Variants in CHRM5 observed in about 807,000 individuals in gnomAD.
CHRM5 encodes muscarinic acetylcholine receptor M5.
CHRM5 carries 18 observed loss-of-function variants against 39.0 expected under a neutral mutation model. The observed-to-expected ratio is 0.46, with a 90% CI of 0.32 to 0.68. CHRM5 has a LOEUF of 0.68. Ranked by LOEUF, CHRM5 falls within the 30% of genes least tolerant of loss-of-function variation. CHRM5 has a pLI of 0.04. For synonymous variants in CHRM5, 241 were observed against 246.3 expected, an observed-to-expected ratio of 0.98 and a Z score of 0.20; for missense variants, 515 against 651.1, an observed-to-expected ratio of 0.79 and a Z score of 2.28.
chr15:33,982,416 A>G (rs1896192777), intron 1 of CHRM5, among the ~76,000 whole-genome samples: 1 of 152,168 alleles, frequency 6.6e-6, no homozygotes, highest in Non-Finnish European at 1.5e-5. Flanking sequence ...TAAAAATTAA[A>G]AAAGGAAAAA....
At chr15:34,059,927 C>T (rs1250894932) in intron 2 of CHRM5, among the ~76,000 whole-genome samples, 1 of 152,086 alleles carries the variant, frequency 6.6e-6, no homozygotes, top group Non-Finnish European at 1.5e-5. Flanking sequence ...TCCATGGTAT[C>T]GCCAGCATTA....
chr15:33,986,813 T>C (rs1177019108), intron 1 of CHRM5, among the ~76,000 whole-genome samples: 4 of 151,992 alleles, frequency 2.6e-5, no homozygotes, highest in South Asian at 2.1e-4. Flanking sequence ...CGTGCCACCA[T>C]GCCCAGCTAA....
intron 2 of CHRM5, among the ~76,000 whole-genome samples, chr15:34,057,687 C>T (rs1900206895): frequency 6.6e-6 from 1 of 152,138 alleles, no homozygotes; most frequent in African/African-American, 2.4e-5. Context: ...GTCCCAGCTA[C>T]GTGGGAGGCT....
chr15:34,014,597 G>A (rs1399667252), intron 1 of CHRM5, among the ~76,000 whole-genome samples: 1 of 152,136 alleles, frequency 6.6e-6, no homozygotes, highest in Non-Finnish European at 1.5e-5. Context: ...AGACCTGTAA[G>A]GTAGGTACCA....
chr15:33,983,223 T>TATACACACACACAC, intron 1 of CHRM5, among the ~76,000 whole-genome samples: 1 of 110,626 alleles, frequency 9.0e-6, no homozygotes, highest in East Asian at 3.1e-4. Flanking sequence ...TACATATATA[T>TATACACACACACAC]ACACACACAT....
At chr15:34,043,753 C>G (rs934639419) in intron 1 of CHRM5, among the ~76,000 whole-genome samples, 1 of 152,208 alleles carries the variant, frequency 6.6e-6, no homozygotes, top group African/African-American at 2.4e-5. Context: ...ATCTTCTCCT[C>G]TCTCCTTCCA....
chr15:33,975,176 C>T (rs1219906641), intron 1 of CHRM5, among the ~76,000 whole-genome samples: 1 of 152,192 alleles, frequency 6.6e-6, no homozygotes, highest in African/African-American at 2.4e-5. Flanking sequence ...CTCCTCCACA[C>T]GCTTCTTGGA....
chr15:34,039,681 A>AAAGG (rs1444052386), intron 1 of CHRM5, among the ~76,000 whole-genome samples: 11 of 152,296 alleles, frequency 7.2e-5, no homozygotes, highest in Admixed American at 1.3e-4. Context: ...AGATGGCTAG[A>AAAGG]AAGGGCGTCA....
rs1897666853 is a variant in CHRM5, at chr15:34,012,228, T to C, written c.-407-34312T>C. On this transcript the variant is annotated intron_variant, in intron 1 of 2. Transcript: ENST00000383263. Reference sequence around the variant, plus strand: ...GACAATTTGCTTCTTGACGTGGTTATGATCTGAGAGAAAAGATACCGTTTT... The same window carrying C: ...GACAATTTGCTTCTTGACGTGGTTACGATCTGAGAGAAAAGATACCGTTTT... Among the ~76,000 whole-genome samples the C allele has an allele frequency of 3.9e-5, 6 of 152,250 alleles. 1 individual carries two copies. In the South Asian group the frequency reaches 1.2e-3, roughly 32 times the overall value.
chr15:34,064,257 T>C lies in CHRM5; in HGVS notation c.1540T>C (p.Trp514Arg), dbSNP rs1362521607. 3 of 1,613,172 alleles carry C rather than the reference T, an allele frequency of 1.9e-6. No individual in the cohort carries two copies. The highest frequency in any genetic ancestry group is 1.7e-5 in the Admixed American group (1 of 59,726). The stretch of plus-strand genomic sequence containing the variant: ...CTTTAAGATGCTGCTTCTCTGCCGA[T>C]GGAAAAAGAAAAAAGTGGAAGAGAA... ...KTFKMLLLCR[W>R]KKKKVEEKLY... The change falls in exon 3 of 3, where the codon TGG becomes CGG. Residue 514 changes from tryptophan to arginine, a missense_variant. By Grantham distance (101) the Trp-to-Arg change is moderately radical. Coordinates refer to ENST00000383263, the MANE Select transcript of CHRM5 (RefSeq NM_012125.4).
intron 1 of CHRM5, among the ~76,000 whole-genome samples, chr15:34,020,266 A>T (rs1008386446): frequency 5.3e-5 from 8 of 151,938 alleles, no homozygotes; most frequent in Non-Finnish European, 8.8e-5. Context: ...AGCTGAGATC[A>T]CACCACTGCA....
intron 1 of CHRM5, among the ~76,000 whole-genome samples, chr15:34,006,458 G>GTATAAAACC (rs1416099264): frequency 6.6e-6 from 1 of 152,198 alleles, no homozygotes; most frequent in Non-Finnish European, 1.5e-5. Context: ...TCTCCAGTCA[G>GTATAAAACC]TATAAAACCT....
rs780268468 is a variant in CHRM5, at chr15:34,063,703, G to A, written c.986G>A (p.Gly329Asp). 9 of 1,614,100 alleles carry A rather than the reference G, an allele frequency of 5.6e-6. No individual in the cohort carries two copies. The highest frequency in any genetic ancestry group is 6.8e-6 in the Non-Finnish European group (8 of 1,180,048). Reference sequence around the variant, plus strand: ...CTCCAAGTGGTCTACAAGAGTCAGGGTAAGGAAAGCCCAGGGGAAGAATTC... The same window carrying A: ...CTCCAAGTGGTCTACAAGAGTCAGGATAAGGAAAGCCCAGGGGAAGAATTC... ...PVLQVVYKSQGKESPGEEFSA... is the reference protein window; with the variant it reads ...PVLQVVYKSQDKESPGEEFSA... The change falls in exon 3 of 3, where the codon GGT (glycine) becomes GAT (aspartate). Residue 329 changes from glycine (G) to aspartate (D), a missense_variant. Coordinates refer to ENST00000383263, the MANE Select transcript of CHRM5 (RefSeq NM_012125.4). This position sits in a 1 kb window ranked among gnomAD's most constrained non-coding sequence, Gnocchi z 4.1.
intron 1 of CHRM5, chr15:34,038,912 CCCGCCGCCGCCT>C (rs758764557): frequency 0.2 from 218,847 of 1,111,526 alleles, 23,238 homozygotes; most frequent in Middle Eastern, 0.27. Flanking sequence ...CGCCTCCGTC[CCCGCCGCCGCCT>C]CCGCCGCCGC....
rs147477557 is a variant in CHRM5 at position 34,052,937 on chromosome 15, T to A, written c.-76+6066T>A. On this transcript the variant is annotated intron_variant, in intron 2 of 2. Coordinates refer to ENST00000383263, the MANE Select transcript of CHRM5 (RefSeq NM_012125.4). ...CATACTGCCCAAAGTAGTTTATAGA[T>A]TCAATGCTAATCTCATGAAACTACC... Among the ~76,000 whole-genome samples, 247 of 152,232 alleles carry A rather than the reference T, an allele frequency of 1.6e-3. 3 individuals are homozygous for A. The highest frequency in any genetic ancestry group is 5.1e-3 in the African/African-American group (213 of 41,548).
intron 1 of CHRM5, among the ~76,000 whole-genome samples, chr15:34,032,756 G>A (rs1006258922): frequency 6.6e-6 from 1 of 152,112 alleles, no homozygotes; most frequent in Non-Finnish European, 1.5e-5. Flanking sequence ...CAGCACAACT[G>A]CTTTTCAGCC....
chr15:34,026,648 G>A (rs1046022460), intron 1 of CHRM5, among the ~76,000 whole-genome samples: 7 of 151,858 alleles, frequency 4.6e-5, no homozygotes, highest in Admixed American at 4.6e-4. Context: ...ATCAGAACAA[G>A]GATCACTGAG....
intron 1 of CHRM5, among the ~76,000 whole-genome samples, chr15:34,008,929 AACAC>A (rs1186485634): frequency 7.4e-6 from 1 of 135,210 alleles, no homozygotes; most frequent in Non-Finnish European, 1.6e-5. Context: ...ATAAAATTAA[AACAC>A]ACACTCACAC....
chr15:33,997,808 C>A (rs1896997900), intron 1 of CHRM5, among the ~76,000 whole-genome samples: 1 of 152,140 alleles, frequency 6.6e-6, no homozygotes. Flanking sequence ...ATGATTAAGT[C>A]CTACCCTTCC....
Sources: gnomAD v4.1 joint callset for allele counts (sites outside exome capture counted in the v4.1 genomes callset) on GRCh38, gnomAD v4.1.1 for gene constraint, Gnocchi (gnomAD v3.1) non-coding constraint, MANE v1.5 for transcripts, NCBI Gene and HGNC (gene_info 2026-07-23, HGNC 2026-07-21) for gene names.